The following BANK1 variants were observed in gnomAD, a reference collection of about 807,000 sequenced individuals.
BANK1 encodes the protein B-cell scaffold protein with ankyrin repeats.
Under a neutral mutation model 94.5 loss-of-function variants are expected in BANK1, and 95 were observed. The ratio of observed to expected loss-of-function variants is 1.00; its 90% CI spans 0.85 to 1.19. The LOEUF (loss-of-function observed/expected upper bound fraction) is 1.19. BANK1 is among the 50% of genes most tolerant of loss of function. BANK1 has a pLI of 0.00. For synonymous variants in BANK1, 334 were observed against 308.4 expected, an observed-to-expected ratio of 1.08 and a Z score of -0.87; for missense variants, 987 against 932.2, an observed-to-expected ratio of 1.06 and a Z score of -0.77.
chr4:102,022,578 A>G (rs563131697), intron 8 of BANK1, among the ~76,000 whole-genome samples: 2 of 152,126 alleles, frequency 1.3e-5, no homozygotes, highest in Non-Finnish European at 2.9e-5. Flanking sequence ...TTCTATTGTT[A>G]TGACTCAGGA....
intron 6 of BANK1, among the ~76,000 whole-genome samples, chr4:101,915,672 T>C (rs1242160563): frequency 6.6e-6 from 1 of 152,140 alleles, no homozygotes; most frequent in Non-Finnish European, 1.5e-5. Context: ...AAAGTATGTA[T>C]CTACTTGTGA....
At chr4:102,000,247 C>T (rs780432428) in intron 7 of BANK1, among the ~76,000 whole-genome samples, 5 of 133,478 alleles carry the variant, frequency 3.7e-5, no homozygotes, top group Admixed American at 2.3e-4. Flanking sequence ...CGCTTGAACC[C>T]GGGAAGTGGA....
chr4:101,837,513 T>G (rs1726873856), intron 2 of BANK1, among the ~76,000 whole-genome samples: 1 of 152,208 alleles, frequency 6.6e-6, no homozygotes, highest in Non-Finnish European at 1.5e-5. Flanking sequence ...CTTGCATGAT[T>G]TAATAATGTC....
At position 101,821,858 on chromosome 4, in the gene BANK1, G is replaced by A. The variant is rs536771585; in HGVS notation, c.71-7950G>A. On this transcript the variant is annotated intron_variant, in intron 1 of 16. Coordinates refer to ENST00000322953, the MANE Select transcript of BANK1 (RefSeq NM_017935.5). The stretch of plus-strand genomic sequence containing the variant: ...CAGCCACTGTCCAAACTAAAATGGA[G>A]GAGTGGGTGGAGGGCCAATAAAAAA... Among the ~76,000 whole-genome samples the A allele has an allele frequency of 1.2e-4, 18 of 152,242 alleles. No homozygotes were observed. In the East Asian group the frequency reaches 1.9e-3, roughly 16 times the overall value.
intron 1 of BANK1, among the ~76,000 whole-genome samples, chr4:101,803,669 T>C (rs1297495326): frequency 1.3e-5 from 2 of 152,084 alleles, no homozygotes; most frequent in Non-Finnish European, 2.9e-5. Context: ...TTGCAACAAT[T>C]TGAAAAAACT....
chr4:101,876,331 T>G (rs1220384903), intron 5 of BANK1, among the ~76,000 whole-genome samples: 1 of 152,114 alleles, frequency 6.6e-6, no homozygotes, highest in African/African-American at 2.4e-5. Context: ...ACCTTGTCTA[T>G]CCCCAGGTCC....
intron 2 of BANK1, among the ~76,000 whole-genome samples, chr4:101,831,221 C>G (rs1402706626): frequency 6.6e-6 from 1 of 152,134 alleles, no homozygotes; most frequent in African/African-American, 2.4e-5. Flanking sequence ...ACAAGCCATT[C>G]CCAGAGTAGC....
chr4:101,803,827 C>G (rs988278216), intron 1 of BANK1, among the ~76,000 whole-genome samples: 1 of 150,128 alleles, frequency 6.7e-6, no homozygotes, highest in African/African-American at 2.4e-5. Flanking sequence ...GAAACCCCGT[C>G]TCTACTAAAA....
chr4:101,920,744 C>T (rs902332856), intron 7 of BANK1, among the ~76,000 whole-genome samples: 15 of 151,918 alleles, frequency 9.9e-5, no homozygotes, highest in Middle Eastern at 3.2e-3. Flanking sequence ...ATCAATAAAA[C>T]ATTGCTCATT....
chr4:101,886,770 G>GGT (rs1287338043), intron 5 of BANK1, among the ~76,000 whole-genome samples: 5 of 142,816 alleles, frequency 3.5e-5, no homozygotes, highest in African/African-American at 1.2e-4. Context: ...TTGGGGGGGG[G>GGT]GGCATGTTGA....
chr4:101,878,134 A>C (rs1373585453), intron 5 of BANK1, among the ~76,000 whole-genome samples: 1 of 152,170 alleles, frequency 6.6e-6, no homozygotes, highest in Non-Finnish European at 1.5e-5. Flanking sequence ...TAAATGGACT[A>C]AACTCTTCAA....
At chr4:101,951,524 C>T (rs1724152809) in intron 7 of BANK1, among the ~76,000 whole-genome samples, 1 of 152,064 alleles carries the variant, frequency 6.6e-6, no homozygotes, top group Admixed American at 6.6e-5. Flanking sequence ...TGTTATTCCA[C>T]AATACCTTGA....
At chr4:101,812,154 G>A (rs1351387261) in intron 1 of BANK1, among the ~76,000 whole-genome samples, 1 of 151,884 alleles carries the variant, frequency 6.6e-6, no homozygotes, top group African/African-American at 2.4e-5. Context: ...ACTAAAAAAT[G>A]TTAAGGTAAT....
chr4:101,953,900 C>A (rs1220884914), intron 7 of BANK1, among the ~76,000 whole-genome samples: 1 of 152,052 alleles, frequency 6.6e-6, no homozygotes, highest in Non-Finnish European at 1.5e-5. Context: ...TTTTCTAGGG[C>A]TGTTGTAGCA....
At chr4:102,006,147 C>A (rs1460481925) in intron 7 of BANK1, among the ~76,000 whole-genome samples, 1 of 151,936 alleles carries the variant, frequency 6.6e-6, no homozygotes, top group African/African-American at 2.4e-5. Flanking sequence ...TCATCTAATC[C>A]TTGAAACAAC....
intron 5 of BANK1, among the ~76,000 whole-genome samples, chr4:101,889,627 AAG>A (rs1721775868): frequency 6.6e-6 from 1 of 150,636 alleles, no homozygotes; most frequent in Non-Finnish European, 1.5e-5. Flanking sequence ...AAAAAAAAAA[AAG>A]AATCACTTGT....
intron 1 of BANK1, among the ~76,000 whole-genome samples, chr4:101,818,824 G>A (rs1445478254): frequency 6.6e-6 from 1 of 150,754 alleles, no homozygotes; most frequent in East Asian, 1.9e-4. Context: ...TCAGGGATCC[G>A]CTGGGGGTCT....
In BANK1 at chr4:102,051,151, T is replaced by C. The variant is rs1728033745; in HGVS notation, c.1969+7244T>C. Among the ~76,000 whole-genome samples the C allele has an allele frequency of 2.0e-5, 3 of 152,296 alleles. No homozygotes were observed. The South Asian group carries it at 6.2e-4, about 32-fold the overall frequency. On this transcript the variant is annotated intron_variant, in intron 11 of 16. Transcript: ENST00000322953. ...GAGACCTGGAGAAATGGGGAAGATATTACCCTTACATGGGGAAAAGAGAAT... is the reference window on the plus strand; with the variant it reads ...GAGACCTGGAGAAATGGGGAAGATACTACCCTTACATGGGGAAAAGAGAAT...
At chr4:101,814,841 T>C (rs1474371912) in intron 1 of BANK1, among the ~76,000 whole-genome samples, 1 of 152,238 alleles carries the variant, frequency 6.6e-6, no homozygotes, top group Non-Finnish European at 1.5e-5. Context: ...AATATTCATG[T>C]GAATGTACTT....
Sources: allele counts gnomAD v4.1 joint callset (sites outside exome capture counted in the v4.1 genomes callset), GRCh38; gene constraint gnomAD v4.1.1; transcripts MANE v1.5; gene names NCBI Gene and HGNC (gene_info 2026-07-23, HGNC 2026-07-21).